The following BCAS3 variants were observed in gnomAD, a reference collection of about 807,000 sequenced individuals.
BCAS3 encodes the protein BCAS4/BCAS3 fusion.
Under a neutral mutation model 116.1 loss-of-function variants are expected in BCAS3, and 53 were observed. The ratio of observed to expected loss-of-function variants is 0.46; its 90% CI spans 0.37 to 0.57. BCAS3 has a LOEUF of 0.57. Ranked by LOEUF, BCAS3 falls within the 20% of genes least tolerant of loss-of-function variation. The pLI, the probability that BCAS3 is intolerant of heterozygous loss-of-function variation, is 0.00. For missense variants in BCAS3, 917 were observed against 1,165.4 expected (o/e 0.79, Z 3.10); for synonymous variants, 391 against 408.2 (o/e 0.96, Z 0.51).
chr17:61,277,096 C>G (rs918331616), intron 22 of BCAS3, among the ~76,000 whole-genome samples: 1 of 151,326 alleles, frequency 6.6e-6, no homozygotes, highest in Admixed American at 6.6e-5. Context: ...GACCTTGTCT[C>G]TTATAGGAAA....
At chr17:60,789,591 AT>A (rs755497864) in intron 6 of BCAS3, among the ~76,000 whole-genome samples, 2 of 152,168 alleles carry the variant, frequency 1.3e-5, no homozygotes, top group Non-Finnish European at 2.9e-5. Flanking sequence ...TATTTGATGG[AT>A]TTGGCTAGCC....
intron 5 of BCAS3, among the ~76,000 whole-genome samples, chr17:60,710,633 A>G (rs563051816): frequency 1.8e-3 from 276 of 151,930 alleles, no homozygotes; most frequent in Middle Eastern, 6.8e-3. Flanking sequence ...GGGTTTCACC[A>G]CGTTAGCCAG....
chr17:60,857,492 G>A (rs1252219595), intron 7 of BCAS3, among the ~76,000 whole-genome samples: 1 of 152,076 alleles, frequency 6.6e-6, no homozygotes, highest in Non-Finnish European at 1.5e-5. Context: ...CTTTCTTGTG[G>A]CACTGTTTTC....
At chr17:60,771,633 T>C (rs1295222308) in intron 6 of BCAS3, among the ~76,000 whole-genome samples, 3 of 152,136 alleles carry the variant, frequency 2.0e-5, no homozygotes, top group Admixed American at 6.5e-5. Flanking sequence ...ACATGTGCCA[T>C]GTTGGTGTGC....
intron 10 of BCAS3, chr17:60,900,198 A>AAAAAGAAAG (rs72339158): frequency 6.7e-6 from 1 of 148,516 alleles, no homozygotes; most frequent in African/African-American, 2.6e-5. Context: ...AAAAAAAAAA[A>AAAAAGAAAG]AAAGAAAGAA....
rs1237176587 is a variant in BCAS3 at position 61,233,438 on chromosome 17, ATTG to A, written c.2426-134886_2426-134884del. Reference sequence around the variant, plus strand: ...GGTTCATCGTCCAGATCTAAAAATGATTGTTAATTTGAGTTATTGTGCTAAATA... The same window carrying A: ...GGTTCATCGTCCAGATCTAAAAATGATTAATTTGAGTTATTGTGCTAAATA... On this transcript the variant is annotated intron_variant, in intron 22 of 23. Coordinates refer to ENST00000407086, the MANE Select transcript of BCAS3 (RefSeq NM_017679.5). The surrounding 1 kb of genome is among the most constrained non-coding windows in gnomAD (Gnocchi z 4.3). Among the ~76,000 whole-genome samples the A allele has an allele frequency of 6.6e-6, 1 of 152,192 alleles. No individual in the cohort carries two copies. The highest frequency in any genetic ancestry group is 1.9e-4 in the East Asian group (1 of 5,198).
intron 9 of BCAS3, among the ~76,000 whole-genome samples, chr17:60,877,982 T>C (rs949143723): frequency 3.9e-5 from 6 of 151,978 alleles, no homozygotes; most frequent in African/African-American, 1.5e-4. Flanking sequence ...TAATTAACTA[T>C]GTATATAAGC....
In BCAS3 at chr17:61,348,857, A is replaced by G. The variant is rs1407252968; in HGVS notation, c.2426-19470A>G. On this transcript the variant is annotated intron_variant, in intron 22 of 23. Transcript: ENST00000407086. This position sits in a 1 kb window ranked among gnomAD's most constrained non-coding sequence, Gnocchi z 4.5. The stretch of plus-strand genomic sequence containing the variant: ...AAGCTCCGCCTCCCAGGTTAATGCC[A>G]TTCTCCTGCCTCAGCTTCCCGAGTA... Among the ~76,000 whole-genome samples, 1 of 148,224 alleles carries G rather than the reference A, an allele frequency of 6.7e-6. No individual in the cohort carries two copies. The highest frequency in any genetic ancestry group is 6.9e-5 in the Admixed American group (1 of 14,490).
At chr17:61,071,263 G>A (rs2071404028) in intron 19 of BCAS3, among the ~76,000 whole-genome samples, 1 of 152,056 alleles carries the variant, frequency 6.6e-6, no homozygotes, top group Admixed American at 6.5e-5. Context: ...GAATTTTCTT[G>A]TCTAGATTTT....
chr17:60,958,858 GA>G (rs1409496146), intron 14 of BCAS3, among the ~76,000 whole-genome samples: 3 of 152,144 alleles, frequency 2.0e-5, no homozygotes, highest in African/African-American at 4.8e-5. Context: ...ACTTATTTTT[GA>G]CAAAGGTGCA....
intron 7 of BCAS3, 95 bp from the exon 8 acceptor site, chr17:60,868,481 C>T (rs537788284): frequency 1.3e-3 from 763 of 600,238 alleles, no homozygotes; most frequent in Non-Finnish European, 1.6e-3. Context: ...TCTTGTTAAT[C>T]AGAGGTTTGA....
chr17:61,047,953 G>C (rs868152105), intron 19 of BCAS3, among the ~76,000 whole-genome samples: 1 of 152,074 alleles, frequency 6.6e-6, no homozygotes, highest in African/African-American at 2.4e-5. Context: ...TGTGTGAAAA[G>C]TTCCTCTGTA....
At chr17:60,810,912 G>A in intron 7 of BCAS3, 1 of 697,406 alleles carries the variant, frequency 1.4e-6, no homozygotes, top group South Asian at 1.4e-5. Context: ...CCAAGATCAT[G>A]GCAGACATCT....
intron 22 of BCAS3, among the ~76,000 whole-genome samples, chr17:61,242,236 A>G (rs2144506855): frequency 6.7e-6 from 1 of 148,322 alleles, no homozygotes; most frequent in Non-Finnish European, 1.5e-5. Flanking sequence ...GGATTGCACC[A>G]TTGCACTCCA....
intron 22 of BCAS3, among the ~76,000 whole-genome samples, chr17:61,296,992 G>A (rs953627072): frequency 2.0e-5 from 3 of 152,170 alleles, no homozygotes; most frequent in Admixed American, 6.5e-5. Context: ...CACGTGTTTC[G>A]GAAAACCCAC....
rs577776588 is a variant in BCAS3, at chr17:61,388,094, G to T, written c.2594-3883G>T. ...AGCACTCTCTTTCGGGCCCTGGCAG[G>T]TTCCTGATGGACTTCCCCAACAGGT... On this transcript the variant is annotated intron_variant, in intron 23 of 23. Coordinates refer to ENST00000407086, the MANE Select transcript of BCAS3 (RefSeq NM_017679.5). The surrounding 1 kb of genome is among the most constrained non-coding windows in gnomAD (Gnocchi z 6.5). 8.5e-5 allele frequency among the ~76,000 whole-genome samples: 13 copies of T among 152,284 alleles called. No individual in the cohort carries two copies. In the South Asian group the frequency reaches 2.7e-3, roughly 32 times the overall value.
Position 61,309,524 on chromosome 17 carries a change from T to C in BCAS3, c.2426-58803T>C, listed in dbSNP as rs2054130650. 6.6e-6 allele frequency among the ~76,000 whole-genome samples: 1 copy of C among 152,168 alleles called. No individual in the cohort carries two copies. The highest frequency in any genetic ancestry group is 1.5e-5 in the Non-Finnish European group (1 of 68,024). ...CGGCCCTGACCCTTCCCTGCCTCAC[T>C]TGCCCTCTACTTCCCAGCTTCACCA... On this transcript the variant is annotated intron_variant, in intron 22 of 23. Coordinates refer to ENST00000407086, the MANE Select transcript of BCAS3 (RefSeq NM_017679.5). The surrounding 1 kb of genome is among the most constrained non-coding windows in gnomAD (Gnocchi z 4.6).
chr17:60,985,957 G>A (rs2063118529), intron 14 of BCAS3, among the ~76,000 whole-genome samples: 1 of 152,156 alleles, frequency 6.6e-6, no homozygotes, highest in African/African-American at 2.4e-5. Context: ...GGCTGGTCTT[G>A]AACTCCTGAC....
At chr17:61,018,912 G>A (rs951568815) in intron 16 of BCAS3, among the ~76,000 whole-genome samples, 2 of 152,090 alleles carry the variant, frequency 1.3e-5, no homozygotes, top group Non-Finnish European at 2.9e-5. Flanking sequence ...TAGCTTTAGT[G>A]TACTACAAAT....
Sources: gnomAD v4.1 joint callset for allele counts (sites outside exome capture counted in the v4.1 genomes callset) on GRCh38, gnomAD v4.1.1 for gene constraint, Gnocchi (gnomAD v3.1) non-coding constraint, MANE v1.5 for transcripts, NCBI Gene and HGNC (gene_info 2026-07-23, HGNC 2026-07-21) for gene names.